Variants in ZDHHC15 observed in about 807,000 individuals in gnomAD.
The protein encoded by ZDHHC15 is zDHHC palmitoyltransferase 15, also known as palmitoyltransferase ZDHHC15.
In ZDHHC15, 19 loss-of-function variants were observed where a neutral mutation model predicts 31.7. That is an observed-to-expected ratio of 0.60 (90% CI 0.42 to 0.88). The LOEUF is 0.88. ZDHHC15 is among the 40% of genes least tolerant of loss of function. The pLI, the probability that ZDHHC15 is intolerant of heterozygous loss-of-function variation, is 0.00. For missense variants in ZDHHC15, 209 were observed against 251.2 expected, an observed-to-expected ratio of 0.83 and a Z score of 1.14; for synonymous variants, 103 against 90.0, an observed-to-expected ratio of 1.14 and a Z score of -0.82.
intron 10 of ZDHHC15, among the ~76,000 whole-genome samples, chrX:75,381,298 C>A (rs1006354184): frequency 2.7e-5 from 3 of 111,518 alleles, no homozygotes; most frequent in Non-Finnish European, 1.9e-5. Context: ...TTTTATCTTT[C>A]TTCCCTAGTT....
At chrX:75,506,808 T>C (rs1430023285) in intron 1 of ZDHHC15, among the ~76,000 whole-genome samples, 2 of 111,997 alleles carry the variant, frequency 1.8e-5, no homozygotes, top group Non-Finnish European at 3.8e-5. Context: ...TAAAATGAAG[T>C]GAGAGAGAAA....
At chrX:75,450,579 TAGC>T (rs2084101231) in intron 4 of ZDHHC15, 1 of 621,730 alleles carries the variant, frequency 1.6e-6, no homozygotes, top group Non-Finnish European at 2.3e-6. Flanking sequence ...AGAAAAATGT[TAGC>T]AGAAGAATCC....
chrX:75,483,661 C>T (rs767879616), intron 2 of ZDHHC15, among the ~76,000 whole-genome samples: 1 of 112,080 alleles, frequency 8.9e-6, no homozygotes, highest in African/African-American at 3.2e-5. Context: ...ATTCATTGAT[C>T]TTGGGGATAA....
intron 3 of ZDHHC15, among the ~76,000 whole-genome samples, chrX:75,462,546 G>A (rs5981871): frequency 0.014 from 1,540 of 112,090 alleles, 19 homozygotes; most frequent in African/African-American, 0.047. Flanking sequence ...CTCAGCAAAT[G>A]CATAAGAACT....
At chrX:75,492,167 A>C (rs768235521) in intron 2 of ZDHHC15, among the ~76,000 whole-genome samples, 29 of 111,347 alleles carry the variant, frequency 2.6e-4, no homozygotes, top group Non-Finnish European at 4.3e-4. Context: ...ACCAACAAAG[A>C]TCAAAAGAGA....
chrX:75,443,913 A>G (rs1045426627), intron 4 of ZDHHC15, among the ~76,000 whole-genome samples: 19 of 111,133 alleles, frequency 1.7e-4, no homozygotes, highest in Non-Finnish European at 3.4e-4. Flanking sequence ...CAAAACCACA[A>G]TGAGATACCA....
At chrX:75,419,882 A>T (rs1431905816) in intron 9 of ZDHHC15, among the ~76,000 whole-genome samples, 2 of 96,128 alleles carry the variant, frequency 2.1e-5, no homozygotes, top group Non-Finnish European at 4.1e-5. Flanking sequence ...TCTCACTTAT[A>T]GGCGGGAATT....
intron 10 of ZDHHC15, among the ~76,000 whole-genome samples, chrX:75,415,707 A>T (rs1421473590): frequency 1.8e-5 from 2 of 112,648 alleles, no homozygotes; most frequent in African/African-American, 6.4e-5. Context: ...AAGAAAAAAT[A>T]TAGGAAAGCA....
At chrX:75,398,165 A>C (rs1391715763) in intron 10 of ZDHHC15, among the ~76,000 whole-genome samples, 2 of 112,331 alleles carry the variant, frequency 1.8e-5, no homozygotes, top group Non-Finnish European at 3.8e-5. Flanking sequence ...GTCAGCTAGC[A>C]GTAGCAGCAT....
At chrX:75,405,232 C>A (rs1345671232) in intron 10 of ZDHHC15, among the ~76,000 whole-genome samples, 1 of 110,782 alleles carries the variant, frequency 9.0e-6, no homozygotes, top group Non-Finnish European at 1.9e-5. Flanking sequence ...TACTTGAGGG[C>A]AGGGGGTGAG....
intron 4 of ZDHHC15, among the ~76,000 whole-genome samples, chrX:75,448,314 G>A (rs1436074959): frequency 8.9e-6 from 1 of 112,102 alleles, no homozygotes; most frequent in Non-Finnish European, 1.9e-5. Context: ...GCTTGCTAAA[G>A]GCAAAGGGAG....
At chrX:75,473,998 T>C (rs1381335458) in intron 3 of ZDHHC15, among the ~76,000 whole-genome samples, 2 of 111,236 alleles carry the variant, frequency 1.8e-5, no homozygotes, top group East Asian at 5.7e-4. Flanking sequence ...GATTTGAAGA[T>C]TATGTATGGT....
At chrX:75,491,888 G>A (rs768259894) in intron 2 of ZDHHC15, among the ~76,000 whole-genome samples, 114 of 111,435 alleles carry the variant, frequency 1.0e-3, no homozygotes, top group South Asian at 2.3e-3. Flanking sequence ...ATCAATTAAC[G>A]AGCAAAATAA....
Position 75,522,946 on chromosome X carries a change from C to G in ZDHHC15, c.79G>C (p.Val27Leu). Reference sequence around the variant, plus strand: ...GACCAGAGCACGACGAGGACAATAACGAGCACTGGCACCCAGGACAGTACC... The same window carrying G: ...GACCAGAGCACGACGAGGACAATAAGGAGCACTGGCACCCAGGACAGTACC... ...RRVLSWVPVLVIVLVVLWSYY... is the reference protein window; with the variant it reads ...RRVLSWVPVLLIVLVVLWSYY... Residue 27 changes from valine (V) to leucine (L), a missense_variant, in exon 1 of 12, where the codon GTT (valine) becomes CTT (leucine). By Grantham distance (32) the Val-to-Leu change is conservative. Coordinates refer to ENST00000373367, the MANE Select transcript of ZDHHC15 (RefSeq NM_144969.3). The G allele has an allele frequency of 1.7e-6, 2 of 1,211,887 alleles. No individual in the cohort carries two copies. The highest frequency in any genetic ancestry group is 2.3e-4 in the Middle Eastern group (1 of 4,353).
At chrX:75,516,065 C>A (rs1171622136) in intron 1 of ZDHHC15, among the ~76,000 whole-genome samples, 1 of 110,852 alleles carries the variant, frequency 9.0e-6, no homozygotes, top group African/African-American at 3.3e-5. Context: ...CTACAAACCA[C>A]TGCTCAATTA....
intron 4 of ZDHHC15, among the ~76,000 whole-genome samples, chrX:75,435,736 G>A (rs892548647): frequency 1.8e-5 from 2 of 111,946 alleles, no homozygotes; most frequent in South Asian, 7.4e-4. Flanking sequence ...TGTTGAATTC[G>A]GTTAGCTAGT....
Position 75,371,401 on chromosome X carries a change from T to C in ZDHHC15, c.*1577A>G, listed in dbSNP as rs2083004838. ...AAGTGTAGTCATGTCTAGTATTCTC[T>C]CAAATGTAATGCTGACCACAATCCA... On this transcript the variant is annotated 3_prime_UTR_variant, in exon 12 of 12. Transcript: ENST00000373367. 1 of 111,823 alleles carries C rather than the reference T, an allele frequency of 8.9e-6. No homozygotes were observed. Among genetic ancestry groups the C allele is most frequent in the African/African-American group, 3.3e-5 (1 of 30,748 alleles). 9.2% of individuals were successfully genotyped at this position (111,823 alleles called of 1,213,427 possible). A position where few individuals can be genotyped will look rare whatever the true frequency, so the allele number is the denominator to read the frequency against.
chrX:75,439,188 G>C (rs2083904296), intron 4 of ZDHHC15, among the ~76,000 whole-genome samples: 2 of 111,429 alleles, frequency 1.8e-5, no homozygotes, highest in South Asian at 7.5e-4. Flanking sequence ...TCTGTATTTG[G>C]ATGTCTATAT....
In ZDHHC15 at chrX:75,372,755, C is replaced by A. The variant is rs2083016160; in HGVS notation, c.*223G>T. 8.9e-6 allele frequency: 1 copy of A among 111,865 alleles called. No homozygotes were observed. Among genetic ancestry groups the A allele is most frequent in the Non-Finnish European group, 1.9e-5 (1 of 53,082 alleles). The allele number at this position is 111,865 out of a possible 1,213,427, so 9.2% of individuals were successfully genotyped here. A position where few individuals can be genotyped will look rare whatever the true frequency, so the allele number is the denominator to read the frequency against. Reference sequence around the variant, plus strand: ...AAAAATTGGCTTGAATTAACTGCTACCAAATTCCAAATTGGATTTCAGTCA... The same window carrying A: ...AAAAATTGGCTTGAATTAACTGCTAACAAATTCCAAATTGGATTTCAGTCA... On this transcript the variant is annotated 3_prime_UTR_variant, in exon 12 of 12. Transcript: ENST00000373367.
Sources: allele counts gnomAD v4.1 joint callset (sites outside exome capture counted in the v4.1 genomes callset), GRCh38; gene constraint gnomAD v4.1.1; transcripts MANE v1.5; gene names NCBI Gene and HGNC (gene_info 2026-07-23, HGNC 2026-07-21).